Variants in TYW1B observed in about 807,000 individuals in gnomAD.
TYW1B encodes the protein S-adenosyl-L-methionine-dependent tRNA 4-demethylwyosine synthase TYW1B.
TYW1B carries 73 observed loss-of-function variants against 86.9 expected under a neutral mutation model. The ratio of observed to expected loss-of-function variants is 0.84; its 90% CI spans 0.70 to 1.02. The LOEUF is 1.02. TYW1B is among the 50% of genes least tolerant of loss of function. TYW1B has a pLI of 0.00. For synonymous variants in TYW1B, 248 were observed against 292.8 expected (o/e 0.85, Z 1.56); for missense variants, 637 against 827.4 (o/e 0.77, Z 2.82).
At chr7:72,793,146 C>T (rs1788247922) in intron 6 of TYW1B, among the ~76,000 whole-genome samples, 1 of 151,530 alleles carries the variant, frequency 6.6e-6, no homozygotes, top group South Asian at 2.1e-4. Context: ...TGACATCAGC[C>T]CAGCCAACAT....
intron 12 of TYW1B, among the ~76,000 whole-genome samples, chr7:72,622,702 A>C (rs2129568557): frequency 6.7e-6 from 1 of 148,206 alleles, no homozygotes; most frequent in South Asian, 2.1e-4. Flanking sequence ...CACACAACAC[A>C]CACATGCACA....
chr7:72,753,263 T>A (rs113995231), intron 7 of TYW1B, among the ~76,000 whole-genome samples: 1,885 of 151,972 alleles, frequency 0.012, 38 homozygotes, highest in African/African-American at 0.042. Flanking sequence ...CTGGTGGGAT[T>A]TTTTTTTAAG....
At chr7:72,799,999 T>C (rs1259243729) in intron 6 of TYW1B, among the ~76,000 whole-genome samples, 3 of 152,144 alleles carry the variant, frequency 2.0e-5, no homozygotes, top group African/African-American at 7.2e-5. Context: ...TATGGCCATG[T>C]AAAACACTTT....
chr7:72,806,949 A>G, intron 5 of TYW1B, 117 bp downstream of exon 5: 3 of 1,401,286 alleles, frequency 2.1e-6, no homozygotes, highest in Non-Finnish European at 2.9e-6. Context: ...CACTGCACTC[A>G]GCCAGATCTT....
chr7:72,692,844 G>A (rs1276646124), intron 11 of TYW1B, among the ~76,000 whole-genome samples: 3 of 152,140 alleles, frequency 2.0e-5, no homozygotes, highest in African/African-American at 7.2e-5. Flanking sequence ...AAGATGGTGG[G>A]CACGTGTGCA....
At chr7:72,762,908 C>T (rs1460028866) in intron 7 of TYW1B, among the ~76,000 whole-genome samples, 3 of 152,150 alleles carry the variant, frequency 2.0e-5, no homozygotes, top group Non-Finnish European at 4.4e-5. Context: ...GATCCATCTG[C>T]CATGGCCTCC....
intron 13 of TYW1B, among the ~76,000 whole-genome samples, chr7:72,608,724 G>A (rs1249215419): frequency 5.9e-5 from 9 of 152,190 alleles, no homozygotes; most frequent in Admixed American, 2.0e-4. Context: ...AAAGAAAGTC[G>A]AAGTGGCTCT....
chr7:72,718,554 C>T (rs1585927358), intron 9 of TYW1B, among the ~76,000 whole-genome samples: 1 of 151,832 alleles, frequency 6.6e-6, no homozygotes, highest in African/African-American at 2.4e-5. Context: ...CTAAGCATGA[C>T]AGGTGATGTC....
chr7:72,614,029 A>G (rs1207070209), intron 13 of TYW1B, among the ~76,000 whole-genome samples: 3 of 150,800 alleles, frequency 2.0e-5, no homozygotes, highest in Admixed American at 6.6e-5. Flanking sequence ...GGGGTGGGGA[A>G]GGGAGGGAGA....
chr7:72,815,996 T>A (rs1189313790), intron 2 of TYW1B, among the ~76,000 whole-genome samples: 6 of 152,076 alleles, frequency 3.9e-5, no homozygotes, highest in African/African-American at 1.4e-4. Flanking sequence ...ACCAATGCAC[T>A]CTAGCCTGGG....
At chr7:72,679,162 G>A (rs1190782856) in intron 11 of TYW1B, among the ~76,000 whole-genome samples, 1 of 152,160 alleles carries the variant, frequency 6.6e-6, no homozygotes, top group Non-Finnish European at 1.5e-5. Context: ...ATAGAAAATA[G>A]AAATTTAATG....
chr7:72,815,818 C>T lies in TYW1B; in HGVS notation c.136-337G>A, dbSNP rs139975208. ...ACTTTGGGAGGCTGAAGTGGGAGGA[C>T]CACTTGAGGCCAAGCCTGGGCAACA... On this transcript the variant is annotated intron_variant, in intron 2 of 13. Transcript: ENST00000620995. 6.7e-3 allele frequency among the ~76,000 whole-genome samples: 1,012 copies of T among 152,050 alleles called. 15 individuals are homozygous for T. The highest frequency in any genetic ancestry group is 0.021 in the African/African-American group (874 of 41,496).
At chr7:72,681,180 C>G (rs1813865444) in intron 11 of TYW1B, among the ~76,000 whole-genome samples, 1 of 152,156 alleles carries the variant, frequency 6.6e-6, no homozygotes, top group African/African-American at 2.4e-5. Flanking sequence ...AATTACTAAA[C>G]CAAGCAGGTT....
chr7:72,602,397 G>C (rs1475048196), intron 13 of TYW1B, among the ~76,000 whole-genome samples: 2 of 152,184 alleles, frequency 1.3e-5, no homozygotes, highest in African/African-American at 4.8e-5. Context: ...ATGGATTAGA[G>C]ACATCGGTGT....
In TYW1B at chr7:72,739,015, G is replaced by T. The variant is rs527310802; in HGVS notation, c.1082+5469C>A. 2.6e-5 allele frequency among the ~76,000 whole-genome samples: 4 copies of T among 152,218 alleles called. No individual in the cohort carries two copies. In the East Asian group the frequency reaches 5.8e-4, roughly 22 times the overall value. ...GCAGGAGGATCACGTGAGCCCATGG[G>T]TTCAAGGTACCAGTGAGCTATGATT... is the stretch of plus-strand genomic sequence containing the variant. On this transcript the variant is annotated intron_variant, in intron 8 of 13. Coordinates refer to ENST00000620995, the MANE Select transcript of TYW1B (RefSeq NM_001145440.3).
At chr7:72,703,019 TATATA>T (rs1230167369) in intron 10 of TYW1B, among the ~76,000 whole-genome samples, 678 of 31,240 alleles carry the variant, frequency 0.022, 35 homozygotes, top group Admixed American at 0.036. Flanking sequence ...TATATATATA[TATATA>T]TATTTTTTTT....
In TYW1B at chr7:72,744,485, A is replaced by G. The variant is rs2687015; in HGVS notation, c.1081T>C (p.Trp361Arg). The G allele has an allele frequency of 8.7e-6, 14 of 1,613,380 alleles. No individual in the cohort carries two copies. The Admixed American group carries it at 1.2e-4, about 13-fold the overall frequency. Residue 361 changes from tryptophan (W) to arginine (R), a missense_variant and splice_region_variant, in exon 8 of 14, where the codon TGG becomes CGG. Physicochemically the swap from Trp to Arg is moderately radical, Grantham distance 101. Coordinates refer to ENST00000620995, the MANE Select transcript of TYW1B (RefSeq NM_001145440.3). The stretch of plus-strand genomic sequence containing the variant: ...CCATGACCTTTCATTTTTACTTACC[A>G]CCAACAGAAGACACATTTATTAGCA... The part of the protein sequence containing the change: ...ACANKCVFCW[W>R]HHNNPVGTEW...
intron 13 of TYW1B, among the ~76,000 whole-genome samples, chr7:72,587,964 T>A (rs1315694839): frequency 1.3e-5 from 2 of 152,220 alleles, no homozygotes; most frequent in African/African-American, 4.8e-5. Flanking sequence ...TACAGTGGTA[T>A]CTTTTGAACT....
At chr7:72,632,952 G>A (rs1554440236) in intron 11 of TYW1B, among the ~76,000 whole-genome samples, 1 of 152,092 alleles carries the variant, frequency 6.6e-6, no homozygotes, top group African/African-American at 2.4e-5. Context: ...AGACTGGCAG[G>A]ACTTGTTTTC....
Sources: gnomAD v4.1 joint callset for allele counts (sites outside exome capture counted in the v4.1 genomes callset) on GRCh38, gnomAD v4.1.1 for gene constraint, MANE v1.5 for transcripts, NCBI Gene and HGNC (gene_info 2026-07-23, HGNC 2026-07-21) for gene names.